Variants in LRP1B observed in about 807,000 individuals in gnomAD.
LRP1B encodes low-density lipoprotein receptor-related protein 1B.
A neutral mutation model predicts 556.6 loss-of-function variants in LRP1B; 217 were observed. The observed-to-expected ratio is 0.39, with a 90% CI of 0.35 to 0.44. The LOEUF (loss-of-function observed/expected upper bound fraction) is 0.44, where lower values mean the gene tolerates loss of function less well. LRP1B is among the 20% of genes least tolerant of loss of function. The pLI, the probability that LRP1B is intolerant of heterozygous loss-of-function variation, is 1.00. For synonymous variants in LRP1B, 2,047 were observed against 1,865.8 expected, an observed-to-expected ratio of 1.10 and a Z score of -2.50; for missense variants, 5,053 against 5,620.8, an observed-to-expected ratio of 0.90 and a Z score of 3.23.
intron 18 of LRP1B, among the ~76,000 whole-genome samples, chr2:140,970,702 T>C (rs1573936515): frequency 1.5e-5 from 2 of 133,768 alleles, no homozygotes; most frequent in African/African-American, 2.7e-5. Context: ...GATTTTCTTT[T>C]AATTTTTTAA....
intron 2 of LRP1B, among the ~76,000 whole-genome samples, chr2:141,709,596 AG>A (rs1393820262): frequency 6.6e-6 from 1 of 152,128 alleles, no homozygotes; most frequent in East Asian, 1.9e-4. Context: ...AGATAGAAAA[AG>A]TATTAAGACG....
At chr2:140,337,277 T>C (rs1681149870) in intron 77 of LRP1B, among the ~76,000 whole-genome samples, 1 of 151,864 alleles carries the variant, frequency 6.6e-6, no homozygotes, top group Non-Finnish European at 1.5e-5. Flanking sequence ...ATTATGAAAT[T>C]TTATTACCCT....
chr2:140,370,944 A>G, intron 70 of LRP1B, 102 bp from the exon 71 acceptor site: 2 of 1,245,842 alleles, frequency 1.6e-6, no homozygotes, highest in Non-Finnish European at 2.2e-6. Flanking sequence ...TTATTATACC[A>G]TGGGCTTTCT....
intron 2 of LRP1B, among the ~76,000 whole-genome samples, chr2:141,619,070 T>C (rs970120731): frequency 1.3e-5 from 2 of 152,206 alleles, no homozygotes; most frequent in African/African-American, 4.8e-5. Context: ...TAGAGCCCTA[T>C]TGATTTCTAC....
intron 3 of LRP1B, among the ~76,000 whole-genome samples, chr2:141,383,976 A>C (rs1559041478): frequency 6.6e-6 from 1 of 152,320 alleles, no homozygotes; most frequent in Non-Finnish European, 1.5e-5. Context: ...TACGTAAAAT[A>C]TGCTGAGGGA....
intron 1 of LRP1B, among the ~76,000 whole-genome samples, chr2:142,002,749 T>C (rs1702692850): frequency 6.6e-6 from 1 of 152,066 alleles, no homozygotes; most frequent in South Asian, 2.1e-4. Context: ...TTTCACCAAA[T>C]CTGGCCCTTT....
Position 140,702,258 on chromosome 2 carries a change from T to G in LRP1B, c.6185A>C (p.Asp2062Ala), listed in dbSNP as rs2105428901. 1 of 1,613,752 alleles carries G rather than the reference T, an allele frequency of 6.2e-7. No homozygotes were observed. The change falls in exon 39 of 91, where the codon GAC (aspartate) becomes GCC (alanine). Residue 2062 changes from aspartate (D) to alanine (A), a missense_variant. By Grantham distance (126) the Asp-to-Ala change is moderately radical. Transcript: ENST00000389484. ...CTCAAGGTCGATTCTCTCTATCTTG[T>G]CTGTGCGAGCATCACACCAGTACAA... ...NKLYWCDART[D>A]KIERIDLETG...
At chr2:140,413,934 CAA>C (rs1685070024) in intron 66 of LRP1B, among the ~76,000 whole-genome samples, 1 of 151,926 alleles carries the variant, frequency 6.6e-6, no homozygotes, top group Admixed American at 6.6e-5. Context: ...TTTTATTTTT[CAA>C]AGACAGGGTC....
At chr2:141,905,308 C>T (rs771423619) in intron 1 of LRP1B, among the ~76,000 whole-genome samples, 8 of 151,566 alleles carry the variant, frequency 5.3e-5, no homozygotes, top group East Asian at 1.9e-4. Context: ...ATGGAGATAA[C>T]GAAGTAAGCT....
At chr2:141,401,848 A>G (rs935140796) in intron 3 of LRP1B, among the ~76,000 whole-genome samples, 3 of 152,170 alleles carry the variant, frequency 2.0e-5, no homozygotes, top group African/African-American at 7.2e-5. Context: ...CAAGTTCTCT[A>G]TGCTTTGCTG....
In LRP1B at chr2:140,444,444, G is replaced by A. The variant is rs1306766723; in HGVS notation, c.10180C>T (p.His3394Tyr). The change falls in exon 65 of 91, where the codon CAT becomes TAT. Residue 3394 changes from histidine (H) to tyrosine (Y), a missense_variant. By Grantham distance (83) the His-to-Tyr change is moderately conservative. Around this residue, in one of 5 missense-constraint regions of LRP1B, gnomAD observed 262 missense variants for 395.1 expected, o/e 0.66. Transcript: ENST00000389484. ...DNSDELNCDT[H>Y]VCLSGQFKCT... ...TTGAATTGACCTGACAGGCAGACAT[G>A]TGTGTCTAGAACATAGAAGGAGAGA... is the stretch of plus-strand genomic sequence containing the variant. 3 of 1,613,868 alleles carry A rather than the reference G, an allele frequency of 1.9e-6. No individual in the cohort carries two copies.
chr2:141,419,104 T>C (rs1296486543), intron 3 of LRP1B, among the ~76,000 whole-genome samples: 2 of 152,128 alleles, frequency 1.3e-5, no homozygotes, highest in African/African-American at 4.8e-5. Flanking sequence ...TTATTTTCTT[T>C]TCTAATTGCT....
At chr2:141,493,764 C>A (rs1683418875) in intron 2 of LRP1B, among the ~76,000 whole-genome samples, 1 of 152,110 alleles carries the variant, frequency 6.6e-6, no homozygotes. Flanking sequence ...ACCGTTATGG[C>A]TGTATCATGA....
chr2:142,024,337 T>C (rs1703435772), intron 1 of LRP1B, among the ~76,000 whole-genome samples: 1 of 152,208 alleles, frequency 6.6e-6, no homozygotes, highest in Non-Finnish European at 1.5e-5. Flanking sequence ...GCATTGTTCC[T>C]AACTTTGACC....
intron 47 of LRP1B, among the ~76,000 whole-genome samples, chr2:140,532,931 T>TATATATATAC (rs1553482099): frequency 2.8e-5 from 3 of 108,378 alleles, no homozygotes; most frequent in East Asian, 3.3e-4. Context: ...CAGCACAAGA[T>TATATATATAC]ATATATATAT....
intron 7 of LRP1B, among the ~76,000 whole-genome samples, chr2:141,141,412 GCAAACACAGGTTTAAC>G (rs1335761492): frequency 2.0e-5 from 3 of 152,196 alleles, no homozygotes; most frequent in Admixed American, 2.0e-4. Flanking sequence ...TACTAAGAAT[GCAAACACAGGTTTAAC>G]CAAACGGAAT....
chr2:140,461,885 A>C (rs1267982022), intron 60 of LRP1B, among the ~76,000 whole-genome samples: 4 of 152,156 alleles, frequency 2.6e-5, no homozygotes, highest in Non-Finnish European at 5.9e-5. Context: ...ATATTTTCAA[A>C]AGTAAAAAAT....
intron 32 of LRP1B, among the ~76,000 whole-genome samples, chr2:140,801,350 G>A (rs900050888): frequency 1.3e-5 from 2 of 152,088 alleles, no homozygotes; most frequent in African/African-American, 4.8e-5. Context: ...TAATGAACAG[G>A]GAACACACTC....
rs541978218 is a variant in LRP1B at position 140,585,753 on chromosome 2, T to C, written c.7194+12878A>G. On this transcript the variant is annotated intron_variant, in intron 43 of 90. Transcript: ENST00000389484. Reference sequence around the variant, plus strand: ...TCATATATTCATATAAACTTTATTATATACTCTGTGATCACATCTACACAT... The same window carrying C: ...TCATATATTCATATAAACTTTATTACATACTCTGTGATCACATCTACACAT... 2.0e-5 allele frequency among the ~76,000 whole-genome samples: 3 copies of C among 152,284 alleles called. No individual in the cohort carries two copies. In the South Asian group the frequency reaches 6.2e-4, roughly 32 times the overall value.
Sources: allele counts gnomAD v4.1 joint callset (sites outside exome capture counted in the v4.1 genomes callset), GRCh38; gene constraint gnomAD v4.1.1; regional missense constraint gnomAD v4.1.1; transcripts MANE v1.5; gene names NCBI Gene and HGNC (gene_info 2026-07-23, HGNC 2026-07-21).